Variants in CHST11 observed in about 807,000 individuals in gnomAD.
CHST11 encodes the protein carbohydrate sulfotransferase 11, also known as C4S-1.
CHST11 carries 9 observed loss-of-function variants against 30.4 expected under a neutral mutation model. That is an observed-to-expected ratio of 0.30 (90% CI 0.18 to 0.52). The LOEUF (loss-of-function observed/expected upper bound fraction) is 0.52, where lower values mean the gene tolerates loss of function less well. Among genes scored for constraint, CHST11 ranks in the 20% least tolerant of loss-of-function variants. The pLI is 0.97. For missense variants in CHST11, 348 were observed against 460.6 expected, an observed-to-expected ratio of 0.76 and a Z score of 2.24; for synonymous variants, 152 against 187.8, an observed-to-expected ratio of 0.81 and a Z score of 1.56.
chr12:104,693,175 G>T (rs922961605), intron 2 of CHST11, among the ~76,000 whole-genome samples: 2 of 152,178 alleles, frequency 1.3e-5, no homozygotes, highest in African/African-American at 4.8e-5. Flanking sequence ...GCCCCCCAAA[G>T]AACTCATTGT....
intron 1 of CHST11, among the ~76,000 whole-genome samples, chr12:104,577,338 G>A (rs2038694365): frequency 6.7e-6 from 1 of 148,314 alleles, no homozygotes; most frequent in African/African-American, 2.5e-5. Flanking sequence ...CAGTTCAGTG[G>A]CATGAAGTAC....
intron 1 of CHST11, among the ~76,000 whole-genome samples, chr12:104,472,553 C>T (rs2135955240): frequency 6.6e-6 from 1 of 152,302 alleles, no homozygotes; most frequent in South Asian, 2.1e-4. Context: ...CTCCATTCTA[C>T]AGATGAGGCA....
Position 104,760,311 on chromosome 12 carries a change from G to A in CHST11, c.*2508G>A, listed in dbSNP as rs2040513608. The stretch of plus-strand genomic sequence containing the variant: ...TCTCCATCTGGTTTATAGCAACAGA[G>A]GTACTTTATTTAATGAAGCAATGGT... On this transcript the variant is annotated 3_prime_UTR_variant, in exon 3 of 3. Coordinates refer to ENST00000303694, the MANE Select transcript of CHST11 (RefSeq NM_018413.6). 6.6e-6 allele frequency: 1 copy of A among 152,120 alleles called. No homozygotes were observed. The highest frequency in any genetic ancestry group is 1.9e-4 in the East Asian group (1 of 5,180). The allele number at this position is 152,120 out of a possible 1,614,324, so 9.4% of individuals were successfully genotyped here.
chr12:104,749,323 T>A (rs2040412501), intron 2 of CHST11, among the ~76,000 whole-genome samples: 1 of 152,234 alleles, frequency 6.6e-6, no homozygotes, highest in South Asian at 2.1e-4. Context: ...TTAATCATAT[T>A]TCCCCTTTTG....
At chr12:104,612,737 G>T (rs1345207164) in intron 2 of CHST11, among the ~76,000 whole-genome samples, 5 of 152,166 alleles carry the variant, frequency 3.3e-5, no homozygotes, top group Non-Finnish European at 7.3e-5. Flanking sequence ...GTGCACTGTT[G>T]GTGGGAATGT....
At chr12:104,517,918 C>G (rs1335899386) in intron 1 of CHST11, among the ~76,000 whole-genome samples, 1 of 152,180 alleles carries the variant, frequency 6.6e-6, no homozygotes, top group Middle Eastern at 3.2e-3. Context: ...ATGTCAGTGC[C>G]TTTTCCCACT....
chr12:104,513,136 G>GGGC (rs1565969833), intron 1 of CHST11, among the ~76,000 whole-genome samples: 1 of 95,430 alleles, frequency 1.0e-5, no homozygotes, highest in Non-Finnish European at 2.1e-5. Context: ...GGGGGGGGGG[G>GGGC]GTTGGGGGTG....
chr12:104,713,597 C>T (rs2040105502), intron 2 of CHST11, among the ~76,000 whole-genome samples: 1 of 152,164 alleles, frequency 6.6e-6, no homozygotes, highest in Non-Finnish European at 1.5e-5. Context: ...GGAGCCGATA[C>T]CTGGCTCTGC....
intron 1 of CHST11, among the ~76,000 whole-genome samples, chr12:104,467,959 C>G (rs1280236230): frequency 1.3e-5 from 2 of 152,160 alleles, no homozygotes; most frequent in African/African-American, 4.8e-5. Context: ...TGACATCATT[C>G]AAGATATTTT....
At chr12:104,711,742 C>T (rs1043139513) in intron 2 of CHST11, among the ~76,000 whole-genome samples, 8 of 152,070 alleles carry the variant, frequency 5.3e-5, no homozygotes, top group African/African-American at 1.7e-4. Context: ...AAATAAAAAA[C>T]TTTGGAAGGA....
intron 1 of CHST11, among the ~76,000 whole-genome samples, chr12:104,561,776 G>C (rs1565987624): frequency 6.7e-6 from 1 of 150,196 alleles, no homozygotes; most frequent in Non-Finnish European, 1.5e-5. Context: ...TACTGCGTAG[G>C]TCCCATTATT....
intron 1 of CHST11, among the ~76,000 whole-genome samples, chr12:104,539,772 C>T (rs2038270001): frequency 6.6e-6 from 1 of 152,150 alleles, no homozygotes; most frequent in Non-Finnish European, 1.5e-5. Flanking sequence ...GGATTGGTTC[C>T]AGAACCTCCT....
chr12:104,695,274 G>T (rs944316116), intron 2 of CHST11, among the ~76,000 whole-genome samples: 2 of 152,168 alleles, frequency 1.3e-5, no homozygotes, highest in African/African-American at 4.8e-5. Flanking sequence ...TGTGGGGAGG[G>T]CCTCAGCTCA....
At chr12:104,684,945 A>G (rs1019634844) in intron 2 of CHST11, among the ~76,000 whole-genome samples, 6 of 152,226 alleles carry the variant, frequency 3.9e-5, no homozygotes, top group African/African-American at 9.6e-5. Flanking sequence ...CTAATCCCCC[A>G]TGCTGCAAAT....
At chr12:104,544,046 C>T (rs2136003488) in intron 1 of CHST11, among the ~76,000 whole-genome samples, 1 of 151,074 alleles carries the variant, frequency 6.6e-6, no homozygotes, top group South Asian at 2.1e-4. Flanking sequence ...ATGGCTGGAG[C>T]CCAGGAGTTT....
intron 2 of CHST11, among the ~76,000 whole-genome samples, chr12:104,674,944 G>A (rs2039726938): frequency 6.6e-6 from 1 of 152,218 alleles, no homozygotes. Flanking sequence ...TGTATGTAAA[G>A]TGTCGGGCAT....
chr12:104,578,881 T>C (rs1378162940), intron 1 of CHST11, among the ~76,000 whole-genome samples: 1 of 152,060 alleles, frequency 6.6e-6, no homozygotes, highest in Non-Finnish European at 1.5e-5. Flanking sequence ...GCTAGGAAAA[T>C]GTTAGGCTCT....
At chr12:104,696,407 C>T (rs1494100) in intron 2 of CHST11, among the ~76,000 whole-genome samples, 46,446 of 144,358 alleles carry the variant, frequency 0.32, 7,439 homozygotes, top group South Asian at 0.45. Flanking sequence ...GAGGCTGAGG[C>T]GGGCGGATTA....
At chr12:104,671,224 G>T (rs2039693810) in intron 2 of CHST11, among the ~76,000 whole-genome samples, 1 of 152,204 alleles carries the variant, frequency 6.6e-6, no homozygotes, top group South Asian at 2.1e-4. Context: ...GTGATCTCCA[G>T]TCTGACTGGA....
Sources: allele counts gnomAD v4.1 joint callset (sites outside exome capture counted in the v4.1 genomes callset), GRCh38; gene constraint gnomAD v4.1.1; transcripts MANE v1.5; gene names NCBI Gene and HGNC (gene_info 2026-07-23, HGNC 2026-07-21).